ETV6: variants seen among roughly 807,000 people sequenced by gnomAD.
The protein encoded by ETV6 is ETS variant transcription factor 6, also known as transcription factor ETV6.
In ETV6, 16 loss-of-function variants were observed where a neutral mutation model predicts 51.1. That is an observed-to-expected ratio of 0.31 (90% CI 0.21 to 0.48). The LOEUF (loss-of-function observed/expected upper bound fraction) is 0.48, where lower values mean the gene tolerates loss of function less well. Ranked by LOEUF, ETV6 falls within the 20% of genes least tolerant of loss-of-function variation. ETV6 has a pLI of 0.99. For missense variants in ETV6, 458 were observed against 594.8 expected, an observed-to-expected ratio of 0.77 and a Z score of 2.39; for synonymous variants, 240 against 224.1, an observed-to-expected ratio of 1.07 and a Z score of -0.64.
chr12:11,883,299 T>C lies in ETV6; in HGVS notation c.1010-1146T>C, dbSNP rs1362424409. Reference sequence around the variant, plus strand: ...TTCTTTTTTTTTTTTTTTTTTTTTTTTTTTTTTTTTTTGAGACTGAGTCTC... The same window carrying C: ...TTCTTTTTTTTTTTTTTTTTTTTTTCTTTTTTTTTTTTGAGACTGAGTCTC... On this transcript the variant is annotated intron_variant, in intron 5 of 7. Transcript: ENST00000396373. 1.5e-4 allele frequency among the ~76,000 whole-genome samples: 20 copies of C among 134,182 alleles called. 1 individual carries two copies. Among genetic ancestry groups the C allele is most frequent in the South Asian group, 1.2e-3 (5 of 4,120 alleles). 88.0% of individuals were successfully genotyped at this position (134,182 alleles called of 152,430 possible).
At chr12:11,673,037 T>C (rs1864348940) in intron 1 of ETV6, among the ~76,000 whole-genome samples, 1 of 152,202 alleles carries the variant, frequency 6.6e-6, no homozygotes, top group Non-Finnish European at 1.5e-5. Context: ...CTGGCACTTC[T>C]CAGTAACCTT....
At chr12:11,695,595 CTT>C (rs780513630) in intron 1 of ETV6, among the ~76,000 whole-genome samples, 1 of 152,224 alleles carries the variant, frequency 6.6e-6, no homozygotes, top group Non-Finnish European at 1.5e-5. Flanking sequence ...GCAAGGCTGT[CTT>C]TTTCTCAACC....
intron 2 of ETV6, among the ~76,000 whole-genome samples, chr12:11,773,500 A>C (rs915285378): frequency 1.3e-5 from 2 of 152,186 alleles, no homozygotes; most frequent in Non-Finnish European, 2.9e-5. Context: ...GTCTGGTTCA[A>C]ATATAAATAC....
chr12:11,718,916 T>A (rs961139882), intron 1 of ETV6, among the ~76,000 whole-genome samples: 1 of 152,222 alleles, frequency 6.6e-6, no homozygotes, highest in Non-Finnish European at 1.5e-5. Context: ...TGATCTGTGA[T>A]TCAGAAAGAG....
chr12:11,816,474 C>A (rs1244937746), intron 2 of ETV6, among the ~76,000 whole-genome samples: 1 of 152,138 alleles, frequency 6.6e-6, no homozygotes, highest in Non-Finnish European at 1.5e-5. Flanking sequence ...TCTCGATCTC[C>A]TGACCTCGTG....
intron 3 of ETV6, among the ~76,000 whole-genome samples, chr12:11,846,636 T>C (rs1946469214): frequency 1.3e-5 from 2 of 152,070 alleles, no homozygotes; most frequent in Admixed American, 1.3e-4. Flanking sequence ...AACAATTCTA[T>C]TTATAGTAGT....
intron 2 of ETV6, among the ~76,000 whole-genome samples, chr12:11,758,876 C>G (rs1472365081): frequency 6.6e-6 from 1 of 152,162 alleles, no homozygotes; most frequent in African/African-American, 2.4e-5. Flanking sequence ...TACTTTGTTC[C>G]CCCTTAAGCC....
intron 1 of ETV6, among the ~76,000 whole-genome samples, chr12:11,675,825 G>A (rs1231892297): frequency 6.7e-6 from 1 of 149,092 alleles, no homozygotes; most frequent in Non-Finnish European, 1.5e-5. Context: ...TAAACAAAAA[G>A]GAAGGAAGGA....
intron 3 of ETV6, among the ~76,000 whole-genome samples, chr12:11,846,230 T>TA (rs11426777): frequency 0.55 from 80,863 of 147,352 alleles, 22,969 homozygotes; most frequent in African/African-American, 0.72. Context: ...ACTCTTACTT[T>TA]AAAAAAAAAA....
At position 11,841,386 on chromosome 12, in the gene ETV6, G is replaced by A. The variant is rs75479580; in HGVS notation, c.328+2082G>A. Among the ~76,000 whole-genome samples, 167 of 152,294 alleles carry A rather than the reference G, an allele frequency of 1.1e-3. 1 individual carries two copies. In the East Asian group the frequency reaches 0.016, roughly 15 times the overall value. On this transcript the variant is annotated intron_variant, in intron 3 of 7. Coordinates refer to ENST00000396373, the MANE Select transcript of ETV6 (RefSeq NM_001987.5). Reference sequence around the variant, plus strand: ...GAGAGAGCAGAGTAGCACTGGTGTCGGGAGAGAAGGAATGGAGTTGGTTTG... The same window carrying A: ...GAGAGAGCAGAGTAGCACTGGTGTCAGGAGAGAAGGAATGGAGTTGGTTTG...
chr12:11,806,725 T>C (rs1945834280), intron 2 of ETV6, among the ~76,000 whole-genome samples: 2 of 152,356 alleles, frequency 1.3e-5, no homozygotes, highest in South Asian at 4.1e-4. Flanking sequence ...TTTATTATTT[T>C]AAAGAACTGG....
chr12:11,729,206 C>A (rs531686554), intron 1 of ETV6, among the ~76,000 whole-genome samples: 1 of 152,200 alleles, frequency 6.6e-6, no homozygotes, highest in African/African-American at 2.4e-5. Flanking sequence ...AGGAAGGAAC[C>A]GTTGCCAACT....
chr12:11,883,483 C>T (rs993418380), intron 5 of ETV6, among the ~76,000 whole-genome samples: 5 of 151,562 alleles, frequency 3.3e-5, no homozygotes, highest in South Asian at 4.2e-4. Context: ...TTAGTAGAGA[C>T]GGGGTTTCGC....
intron 2 of ETV6, among the ~76,000 whole-genome samples, chr12:11,801,838 T>C (rs1489807771): frequency 6.6e-6 from 1 of 152,138 alleles, no homozygotes; most frequent in African/African-American, 2.4e-5. Context: ...CATGAGCCAG[T>C]GAATAAGCAA....
chr12:11,791,853 G>T (rs1398946507), intron 2 of ETV6, among the ~76,000 whole-genome samples: 1 of 151,922 alleles, frequency 6.6e-6, no homozygotes, highest in African/African-American at 2.4e-5. Flanking sequence ...GATTCACCTG[G>T]TGGTCGTTTA....
At chr12:11,750,774 G>A (rs1464431074) in intron 1 of ETV6, 3 of 386,776 alleles carry the variant, frequency 7.8e-6, no homozygotes, top group Non-Finnish European at 1.4e-5. Context: ...CAGATTTTAT[G>A]TTTCCTATAT....
intron 1 of ETV6, among the ~76,000 whole-genome samples, chr12:11,721,587 G>A (rs184886110): frequency 1.6e-3 from 250 of 152,282 alleles, no homozygotes; most frequent in African/African-American, 5.9e-3. Context: ...AGGGAGGAGC[G>A]GGAGGGGGTT....
At chr12:11,690,866 G>C (rs1235119256) in intron 1 of ETV6, among the ~76,000 whole-genome samples, 4 of 134,640 alleles carry the variant, frequency 3.0e-5, no homozygotes, top group East Asian at 2.3e-4. Context: ...CAGCCTGGGC[G>C]ACAGAGTGAG....
In ETV6 at chr12:11,689,483, C is replaced by G. The variant is rs116948363; in HGVS notation, c.33+39323C>G. On this transcript the variant is annotated intron_variant, in intron 1 of 7. Transcript: ENST00000396373. ...ATTTTAAACCATGGCTAACTCTTCTCCAGTCTTCTCCAGGAGAAAAAACTT... is the reference window on the plus strand; with the variant it reads ...ATTTTAAACCATGGCTAACTCTTCTGCAGTCTTCTCCAGGAGAAAAAACTT... Among the ~76,000 whole-genome samples, 351 of 152,186 alleles carry G rather than the reference C, an allele frequency of 2.3e-3. 4 individuals are homozygous for G. In the East Asian group the frequency reaches 0.036, roughly 15 times the overall value.
Sources: gnomAD v4.1 joint callset for allele counts (sites outside exome capture counted in the v4.1 genomes callset) on GRCh38, gnomAD v4.1.1 for gene constraint, MANE v1.5 for transcripts, NCBI Gene and HGNC (gene_info 2026-07-23, HGNC 2026-07-21) for gene names.